EVC2: variants seen among roughly 807,000 people sequenced by gnomAD.
The protein encoded by EVC2 is limbin.
Under a neutral mutation model 149.3 loss-of-function variants are expected in EVC2, and 148 were observed. The ratio of observed to expected loss-of-function variants is 0.99; its 90% confidence interval spans 0.87 to 1.14. The LOEUF is 1.14. EVC2 is among the 50% of genes most tolerant of loss of function. The pLI is 0.00. For missense variants in EVC2, 1,854 were observed against 1,627.3 expected (o/e 1.14, Z -2.40); for synonymous variants, 776 against 649.9 (o/e 1.19, Z -2.95).
intron 12 of EVC2, among the ~76,000 whole-genome samples, chr4:5,627,722 T>C (rs1048840803): frequency 6.6e-6 from 1 of 152,206 alleles, no homozygotes; most frequent in African/African-American, 2.4e-5. Flanking sequence ...GACACCACCA[T>C]ACACTTGACC....
intron 6 of EVC2, among the ~76,000 whole-genome samples, chr4:5,684,548 G>C (rs570469555): frequency 1.4e-5 from 2 of 138,218 alleles, no homozygotes; most frequent in Non-Finnish European, 3.1e-5. Context: ...CTTGAAGTCG[G>C]GGACCACATC....
intron 7 of EVC2, among the ~76,000 whole-genome samples, chr4:5,668,473 G>A (rs1397552578): frequency 2.6e-5 from 4 of 152,102 alleles, no homozygotes; most frequent in African/African-American, 9.7e-5. Context: ...ACACTAAAAT[G>A]AAATCCAAGT....
downstream of EVC2, among the ~76,000 whole-genome samples, chr4:5,539,210 A>G (rs764372090): frequency 1.2e-4 from 18 of 152,352 alleles, no homozygotes; most frequent in Non-Finnish European, 1.9e-4. Context: ...TAGTATTCCA[A>G]TACTTAATAT....
intron 10 of EVC2, among the ~76,000 whole-genome samples, chr4:5,639,263 G>C (rs1401913389): frequency 6.6e-6 from 1 of 152,188 alleles, no homozygotes; most frequent in Non-Finnish European, 1.5e-5. Flanking sequence ...CCTCCCTAGG[G>C]GAGTAGATGT....
intron 1 of EVC2, among the ~76,000 whole-genome samples, chr4:5,698,112 A>G (rs368072290): frequency 4.6e-5 from 7 of 152,266 alleles, no homozygotes; most frequent in South Asian, 4.2e-4. Context: ...CATTCCCGGC[A>G]GCTTCTGAGT....
intron 16 of EVC2, among the ~76,000 whole-genome samples, chr4:5,609,508 G>A (rs961634702): frequency 6.6e-5 from 10 of 152,206 alleles, no homozygotes; most frequent in African/African-American, 2.4e-4. Flanking sequence ...AAAGGTCACA[G>A]ATGACAAATG....
At chr4:5,577,995 A>T (rs1335708666) in intron 17 of EVC2, among the ~76,000 whole-genome samples, 1 of 152,052 alleles carries the variant, frequency 6.6e-6, no homozygotes, top group African/African-American at 2.4e-5. Flanking sequence ...GGTGGAACAC[A>T]CAGAGCTTTT....
intron 16 of EVC2, among the ~76,000 whole-genome samples, chr4:5,611,423 A>G (rs937568702): frequency 6.6e-6 from 1 of 152,210 alleles, no homozygotes; most frequent in Non-Finnish European, 1.5e-5. Flanking sequence ...ATATTAGTAC[A>G]GTGTACTAAG....
intron 15 of EVC2, 36 bp from the exon 16 acceptor site, chr4:5,615,580 C>T (rs2108829181): frequency 6.2e-7 from 1 of 1,613,944 alleles, no homozygotes. Context: ...GGTAAGAAGG[C>T]AATCACCAGC....
At chr4:5,587,183 T>C (rs192694726) in intron 16 of EVC2, among the ~76,000 whole-genome samples, 14 of 152,316 alleles carry the variant, frequency 9.2e-5, no homozygotes, top group Non-Finnish European at 1.8e-4. Context: ...TAGGATTCAG[T>C]AGCCCCCACC....
chr4:5,706,099 C>T (rs1292730098), intron 1 of EVC2, among the ~76,000 whole-genome samples: 1 of 151,902 alleles, frequency 6.6e-6, no homozygotes, highest in East Asian at 1.9e-4. Flanking sequence ...TTGGGATGTT[C>T]TCTCCTGACT....
intron 9 of EVC2, among the ~76,000 whole-genome samples, chr4:5,655,108 C>T (rs1268281044): frequency 1.3e-5 from 2 of 152,202 alleles, no homozygotes; most frequent in Admixed American, 6.5e-5. Context: ...AAGACGACAG[C>T]GAGAGTTGCC....
rs1716078000 is a variant in EVC2, at chr4:5,625,959, A to G, written c.1887-51T>C. The stretch of plus-strand genomic sequence containing the variant: ...GAATGTGGTCTCCAAACTCACCTGT[A>G]GCTTAACTGCTATTGTGCCTGAACA... On this transcript the variant is annotated intron_variant, in intron 12 of 21. Transcript: ENST00000344408. The surrounding 1 kb of genome is among the most constrained non-coding windows in gnomAD (Gnocchi z 4.0). The G allele has an allele frequency of 1.2e-6, 2 of 1,605,438 alleles. No individual in the cohort carries two copies. Among genetic ancestry groups the G allele is most frequent in the Non-Finnish European group, 1.7e-6 (2 of 1,174,026 alleles).
chr4:5,628,495 T>C, intron 12 of EVC2, 64 bp downstream of exon 12: 2 of 1,583,856 alleles, frequency 1.3e-6, no homozygotes, highest in Non-Finnish European at 8.7e-7. Flanking sequence ...TCTGTGGTAT[T>C]CTGTCATAGC....
chr4:5,703,419 ACATCC>A (rs1721952888), intron 1 of EVC2, among the ~76,000 whole-genome samples: 1 of 152,192 alleles, frequency 6.6e-6, no homozygotes, highest in Non-Finnish European at 1.5e-5. Context: ...GTTGAGTGCT[ACATCC>A]CCAGGAGCTG....
chr4:5,618,801 G>A lies in EVC2; in HGVS notation c.2502-119C>T. 1 of 969,398 alleles carries A rather than the reference G, an allele frequency of 1.0e-6. No individual in the cohort carries two copies. The highest frequency in any genetic ancestry group is 1.6e-6 in the Non-Finnish European group (1 of 623,170). 60.0% of individuals were successfully genotyped at this position (969,398 alleles called of 1,614,324 possible). On this transcript the variant is annotated intron_variant, in intron 14 of 21. Coordinates refer to ENST00000344408, the MANE Select transcript of EVC2 (RefSeq NM_147127.5). This position sits in a 1 kb window ranked among gnomAD's most constrained non-coding sequence, Gnocchi z 4.4. ...TATCCATGTCTGCAGAAAAAGCACT[G>A]GCTCCTTAATCATGCATTCCTGCCA...
chr4:5,599,249 C>T (rs1713751874), intron 16 of EVC2, among the ~76,000 whole-genome samples: 1 of 151,066 alleles, frequency 6.6e-6, no homozygotes, highest in Non-Finnish European at 1.5e-5. Context: ...ATAAATCATG[C>T]TGCTATAAAG....
chr4:5,549,305 G>A (rs1299661303), intron 21 of EVC2, among the ~76,000 whole-genome samples: 1 of 152,176 alleles, frequency 6.6e-6, no homozygotes, highest in Non-Finnish European at 1.5e-5. Flanking sequence ...ATAATTGTAA[G>A]ATGAGGATTG....
At chr4:5,597,298 C>T (rs1202999104) in intron 16 of EVC2, among the ~76,000 whole-genome samples, 5 of 151,992 alleles carry the variant, frequency 3.3e-5, no homozygotes, top group East Asian at 3.9e-4. Context: ...CCTTGATGAA[C>T]ATTGATGCAA....
Sources: allele counts gnomAD v4.1 joint callset (sites outside exome capture counted in the v4.1 genomes callset), GRCh38; gene constraint gnomAD v4.1.1; non-coding constraint Gnocchi (gnomAD v3.1); transcripts MANE v1.5; gene names NCBI Gene and HGNC (gene_info 2026-07-23, HGNC 2026-07-21).